The following CRIM1 variants were observed in gnomAD, a reference collection of about 807,000 sequenced individuals.
The protein encoded by CRIM1 is cysteine rich transmembrane BMP regulator 1, also known as cysteine-rich motor neuron 1 protein.
A neutral mutation model predicts 116.4 loss-of-function variants in CRIM1; 32 were observed. The observed-to-expected ratio is 0.27, with a 90% CI of 0.21 to 0.37. The LOEUF (loss-of-function observed/expected upper bound fraction) is 0.37. Ranked by LOEUF, CRIM1 falls within the 10% of genes least tolerant of loss-of-function variation. CRIM1 has a pLI of 1.00. For missense variants in CRIM1, 1,331 were observed against 1,354.8 expected, an observed-to-expected ratio of 0.98 and a Z score of 0.28; for synonymous variants, 590 against 509.2, an observed-to-expected ratio of 1.16 and a Z score of -2.13.
chr2:36,466,164 G>A (rs576382217), intron 5 of CRIM1, among the ~76,000 whole-genome samples: 5 of 152,236 alleles, frequency 3.3e-5, no homozygotes, highest in East Asian at 3.9e-4. Flanking sequence ...GGGATTACAC[G>A]TGTGAGCCAC....
chr2:36,409,283 G>A (rs1017370911), intron 2 of CRIM1, among the ~76,000 whole-genome samples: 1 of 151,876 alleles, frequency 6.6e-6, no homozygotes, highest in East Asian at 1.9e-4. Flanking sequence ...TCTTTCTCTC[G>A]TTTCCACCAG....
At chr2:36,495,475 ATTTTTT>A (rs1024205619) in intron 7 of CRIM1, among the ~76,000 whole-genome samples, 3 of 129,642 alleles carry the variant, frequency 2.3e-5, no homozygotes, top group Non-Finnish European at 5.0e-5. Context: ...TTATTTATTT[ATTTTTT>A]TTTTTTTTTT....
At chr2:36,382,402 C>T (rs1423511828) in intron 1 of CRIM1, among the ~76,000 whole-genome samples, 2 of 152,250 alleles carry the variant, frequency 1.3e-5, no homozygotes, top group African/African-American at 4.8e-5. Flanking sequence ...TCTCTCTGTG[C>T]TGAGTAAATT....
intron 1 of CRIM1, among the ~76,000 whole-genome samples, chr2:36,367,594 A>G (rs1669682747): frequency 6.6e-6 from 1 of 152,228 alleles, no homozygotes; most frequent in African/African-American, 2.4e-5. Flanking sequence ...CTATGCTTTT[A>G]TGACCTAGAA....
chr2:36,542,804 A>G (rs191104694), intron 14 of CRIM1, among the ~76,000 whole-genome samples: 2 of 152,226 alleles, frequency 1.3e-5, no homozygotes, highest in East Asian at 3.9e-4. Context: ...CACACATGAG[A>G]GTTTTTCAGT....
chr2:36,459,464 A>AT (rs1021884319), intron 4 of CRIM1, among the ~76,000 whole-genome samples: 2 of 152,102 alleles, frequency 1.3e-5, no homozygotes, highest in African/African-American at 2.4e-5. Context: ...TACCTTTATC[A>AT]TTTTTTTACT....
chr2:36,414,713 G>T (rs1673468841), intron 2 of CRIM1, among the ~76,000 whole-genome samples: 1 of 152,224 alleles, frequency 6.6e-6, no homozygotes, highest in Admixed American at 6.5e-5. Context: ...CATGTTCAGT[G>T]ACCCCAGTAT....
chr2:36,431,099 T>C (rs888141791), intron 2 of CRIM1, among the ~76,000 whole-genome samples: 2 of 152,184 alleles, frequency 1.3e-5, no homozygotes, highest in Non-Finnish European at 2.9e-5. Flanking sequence ...AGTGTGTGTC[T>C]GTGTTTCAGA....
intron 4 of CRIM1, among the ~76,000 whole-genome samples, chr2:36,443,849 A>T (rs1286739949): frequency 6.6e-6 from 1 of 152,200 alleles, no homozygotes; most frequent in Admixed American, 6.5e-5. Context: ...GTTCTGTCAA[A>T]CCTAGTATTC....
At chr2:36,425,906 A>T (rs923831291) in intron 2 of CRIM1, among the ~76,000 whole-genome samples, 2 of 152,242 alleles carry the variant, frequency 1.3e-5, no homozygotes, top group African/African-American at 4.8e-5. Context: ...GATCCATGTC[A>T]TGTAGTGGTT....
In CRIM1 at chr2:36,550,538, TTTAAAAAAAA is replaced by T. The variant is rs1667695856; in HGVS notation, c.*1842_*1851del. The T allele has an allele frequency of 6.6e-6, 1 of 152,454 alleles. No homozygotes were observed. The highest frequency in any genetic ancestry group is 6.5e-5 in the Admixed American group (1 of 15,268). The allele number at this position is 152,454 out of a possible 1,614,324, so 9.4% of individuals were successfully genotyped here. On this transcript the variant is annotated 3_prime_UTR_variant, in exon 17 of 17. Coordinates refer to ENST00000280527, the MANE Select transcript of CRIM1 (RefSeq NM_016441.3). ...AATACTTGGACAGAGGTTGCTGAAC[TTTAAAAAAAA>T]TTAATTTATTATTATAATGACCTAA...
chr2:36,396,838 A>G, intron 2 of CRIM1, 51 bp downstream of exon 2: 1 of 1,439,504 alleles, frequency 6.9e-7, no homozygotes, highest in Non-Finnish European at 9.6e-7. Flanking sequence ...AGCATTATGT[A>G]ACCCTGAGTA....
chr2:36,360,309 C>A (rs1006399767), intron 1 of CRIM1, among the ~76,000 whole-genome samples: 1 of 152,196 alleles, frequency 6.6e-6, no homozygotes, highest in East Asian at 1.9e-4. Context: ...GTCACTGTTC[C>A]GAGGACTCTG....
At chr2:36,391,226 T>C (rs1032462769) in intron 1 of CRIM1, among the ~76,000 whole-genome samples, 8 of 146,218 alleles carry the variant, frequency 5.5e-5, no homozygotes, top group Non-Finnish European at 1.0e-4. Flanking sequence ...GCCTCTGGGT[T>C]CATGACATTC....
intron 4 of CRIM1, among the ~76,000 whole-genome samples, chr2:36,448,559 T>C (rs1470241445): frequency 1.3e-5 from 2 of 152,254 alleles, no homozygotes; most frequent in Admixed American, 1.3e-4. Context: ...ATCTAGACAG[T>C]AATACCTCCA....
At chr2:36,508,079 TG>T (rs1489217642) in intron 8 of CRIM1, among the ~76,000 whole-genome samples, 17 of 152,176 alleles carry the variant, frequency 1.1e-4, no homozygotes, top group African/African-American at 4.1e-4. Flanking sequence ...CCCTTAATAA[TG>T]GGGAATGAAA....
chr2:36,471,364 G>C (rs1338844587), intron 5 of CRIM1, among the ~76,000 whole-genome samples: 1 of 152,086 alleles, frequency 6.6e-6, no homozygotes, highest in Admixed American at 6.6e-5. Flanking sequence ...TTTCATGAAA[G>C]GAAGAGTTAG....
intron 1 of CRIM1, among the ~76,000 whole-genome samples, chr2:36,362,548 G>A (rs539387474): frequency 1.2e-4 from 18 of 152,280 alleles, no homozygotes; most frequent in Middle Eastern, 3.4e-3. Context: ...GCGGATAAGC[G>A]TGGGCAGTAA....
intron 2 of CRIM1, among the ~76,000 whole-genome samples, chr2:36,430,026 T>G (rs1259606562): frequency 6.6e-6 from 1 of 152,212 alleles, no homozygotes; most frequent in East Asian, 1.9e-4. Context: ...CTGTACCTCC[T>G]GTGTTTGGGA....
Sources: gnomAD v4.1 joint callset for allele counts (sites outside exome capture counted in the v4.1 genomes callset) on GRCh38, gnomAD v4.1.1 for gene constraint, MANE v1.5 for transcripts, NCBI Gene and HGNC (gene_info 2026-07-23, HGNC 2026-07-21) for gene names.